Variants in ADARB2 observed in about 807,000 individuals in gnomAD.
The protein encoded by ADARB2 is adenosine deaminase RNA specific B2 (inactive).
ADARB2 carries 25 observed loss-of-function variants against 62.2 expected under a neutral mutation model. That is an observed-to-expected ratio of 0.40 (90% CI 0.29 to 0.56). The LOEUF is 0.56. ADARB2 is among the 20% of genes least tolerant of loss of function. The pLI, the probability that ADARB2 is intolerant of heterozygous loss-of-function variation, is 0.43. For missense variants in ADARB2, 1,071 were observed against 1,077.4 expected (o/e 0.99, Z 0.08); for synonymous variants, 572 against 500.8 (o/e 1.14, Z -1.90).
chr10:1,645,253 A>T (rs1049443295), intron 1 of ADARB2, among the ~76,000 whole-genome samples: 1 of 152,212 alleles, frequency 6.6e-6, no homozygotes, highest in Non-Finnish European at 1.5e-5. Flanking sequence ...TTACGCATGC[A>T]TGGCTATGGT....
At chr10:1,225,997 C>A (rs1282674172) in intron 6 of ADARB2, among the ~76,000 whole-genome samples, 1 of 152,130 alleles carries the variant, frequency 6.6e-6, no homozygotes. Flanking sequence ...TAATATCCTG[C>A]AGAGTGTTTT....
chr10:1,632,779 G>A (rs1028289050), intron 1 of ADARB2, among the ~76,000 whole-genome samples: 9 of 152,202 alleles, frequency 5.9e-5, no homozygotes, highest in African/African-American at 1.7e-4. Flanking sequence ...CTGCACACTC[G>A]TTCCAAGTTA....
intron 6 of ADARB2, among the ~76,000 whole-genome samples, chr10:1,222,578 G>C (rs1053780538): frequency 6.7e-5 from 10 of 148,724 alleles, no homozygotes; most frequent in Non-Finnish European, 1.0e-4. Context: ...AATCCATCTT[G>C]AATTAATTTT....
intron 3 of ADARB2, among the ~76,000 whole-genome samples, chr10:1,358,030 TA>T (rs1339351207): frequency 6.6e-6 from 1 of 152,104 alleles, no homozygotes; most frequent in Non-Finnish European, 1.5e-5. Context: ...CCTGCACAAA[TA>T]GTGTGTGTGA....
intron 1 of ADARB2, among the ~76,000 whole-genome samples, chr10:1,627,972 C>G (rs1055628526): frequency 2.0e-5 from 3 of 152,188 alleles, no homozygotes. Flanking sequence ...CAGGTCTGCC[C>G]CGTCTGAAAT....
intron 1 of ADARB2, among the ~76,000 whole-genome samples, chr10:1,672,544 C>A (rs941691481): frequency 4.6e-5 from 7 of 152,184 alleles, no homozygotes; most frequent in Admixed American, 6.5e-5. Flanking sequence ...TCTCTGCAGG[C>A]CTCGCGCAGC....
chr10:1,347,847 G>A (rs954898948), intron 3 of ADARB2, among the ~76,000 whole-genome samples: 1 of 152,136 alleles, frequency 6.6e-6, no homozygotes, highest in African/African-American at 2.4e-5. Flanking sequence ...GAGATGAATG[G>A]GAAGAGAGAG....
chr10:1,389,998 G>A (rs1186602536), intron 1 of ADARB2, among the ~76,000 whole-genome samples: 1 of 152,066 alleles, frequency 6.6e-6, no homozygotes, highest in Non-Finnish European at 1.5e-5. Flanking sequence ...GACTCACATA[G>A]GGATATTTAT....
At chr10:1,594,540 A>C (rs979838468) in intron 1 of ADARB2, among the ~76,000 whole-genome samples, 1 of 152,140 alleles carries the variant, frequency 6.6e-6, no homozygotes, top group Non-Finnish European at 1.5e-5. Context: ...CTAACTCACC[A>C]TCAAGCGGCC....
At chr10:1,185,233 C>T (rs1386523851) in intron 8 of ADARB2, among the ~76,000 whole-genome samples, 194 bp from the exon 9 acceptor site, 1 of 152,248 alleles carries the variant, frequency 6.6e-6, no homozygotes, top group Non-Finnish European at 1.5e-5. Context: ...GTGGCCGCCT[C>T]GGGTCCACGG....
chr10:1,293,719 T>C (rs1831498867), intron 3 of ADARB2, among the ~76,000 whole-genome samples: 1 of 152,250 alleles, frequency 6.6e-6, no homozygotes, highest in African/African-American at 2.4e-5. Flanking sequence ...TTTTGTTTTG[T>C]TTTGCAACTG....
intron 1 of ADARB2, among the ~76,000 whole-genome samples, chr10:1,722,730 G>T (rs1835108134): frequency 1.3e-5 from 2 of 152,106 alleles, no homozygotes; most frequent in South Asian, 4.1e-4. Context: ...TTTACCTTGT[G>T]CTGTGATTAA....
At chr10:1,352,720 C>T (rs763192426) in intron 3 of ADARB2, among the ~76,000 whole-genome samples, 1 of 152,192 alleles carries the variant, frequency 6.6e-6, no homozygotes, top group Non-Finnish European at 1.5e-5. Flanking sequence ...TTTCTGCTCC[C>T]CGGCTTCTTC....
intron 1 of ADARB2, among the ~76,000 whole-genome samples, chr10:1,713,672 C>A (rs896520824): frequency 3.3e-5 from 5 of 152,148 alleles, no homozygotes; most frequent in African/African-American, 1.2e-4. Flanking sequence ...GTTAAACAAG[C>A]GCCATGGCCA....
At chr10:1,435,567 A>AGGACCCTTAACCAAGGGGCCTGTGT (rs1830826739) in intron 1 of ADARB2, among the ~76,000 whole-genome samples, 18 of 152,112 alleles carry the variant, frequency 1.2e-4, no homozygotes, top group African/African-American at 4.1e-4. Flanking sequence ...CCTCTGCACC[A>AGGACCCTTAACCAAGGGGCCTGTGT]TCCTGCAGTG....
intron 4 of ADARB2, among the ~76,000 whole-genome samples, chr10:1,249,271 A>C (rs1299297693): frequency 6.6e-6 from 1 of 152,078 alleles, no homozygotes. Context: ...GCCAGACCCC[A>C]AGTCTACAAA....
chr10:1,280,760 A>C (rs151334962), intron 3 of ADARB2, among the ~76,000 whole-genome samples: 1,610 of 149,908 alleles, frequency 0.011, 34 homozygotes, highest in African/African-American at 0.037. Context: ...TGAAATTCCT[A>C]AGTGACGCTC....
chr10:1,714,473 A>G (rs1834991450), intron 1 of ADARB2, among the ~76,000 whole-genome samples: 1 of 152,268 alleles, frequency 6.6e-6, no homozygotes, highest in African/African-American at 2.4e-5. Flanking sequence ...CATCTGAACC[A>G]GCCAACGCCC....
intron 1 of ADARB2, among the ~76,000 whole-genome samples, chr10:1,432,111 A>G (rs1312930369): frequency 6.6e-6 from 1 of 152,190 alleles, no homozygotes; most frequent in Non-Finnish European, 1.5e-5. Flanking sequence ...ACTCTCCCAG[A>G]ATCCTATAAA....
Sources: allele counts gnomAD v4.1 joint callset (sites outside exome capture counted in the v4.1 genomes callset), GRCh38; gene constraint gnomAD v4.1.1; transcripts MANE v1.5; gene names NCBI Gene and HGNC (gene_info 2026-07-23, HGNC 2026-07-21).